CLDN16: variants seen among roughly 807,000 people sequenced by gnomAD.
The protein encoded by CLDN16 is claudin-16.
In CLDN16, 13 loss-of-function variants were observed where a neutral mutation model predicts 24.6. The observed-to-expected ratio is 0.53, with a 90% CI of 0.34 to 0.84. The LOEUF (loss-of-function observed/expected upper bound fraction) is 0.84, where lower values mean the gene tolerates loss of function less well. Among genes scored for constraint, CLDN16 ranks in the 40% least tolerant of loss-of-function variants. The pLI is 0.01. For missense variants in CLDN16, 298 were observed against 292.7 expected (o/e 1.02, Z -0.13); for synonymous variants, 116 against 106.7 (o/e 1.09, Z -0.54).
upstream of CLDN16, among the ~76,000 whole-genome samples, chr3:190,386,412 G>A (rs1718498512): frequency 6.6e-6 from 1 of 152,034 alleles, no homozygotes; most frequent in African/African-American, 2.4e-5. Flanking sequence ...ACCCTCAGTG[G>A]ATGTCAGAAA....
At chr3:190,340,903 C>T (rs187063609) in intron 1 of CLDN16, among the ~76,000 whole-genome samples, 60 of 152,284 alleles carry the variant, frequency 3.9e-4, no homozygotes, top group African/African-American at 1.3e-3. Flanking sequence ...CCATGCAAGT[C>T]GGAAATCCAG....
the CLDN16 span, among the ~76,000 whole-genome samples, chr3:190,305,546 T>C: frequency 1.3e-5 from 2 of 152,078 alleles, no homozygotes; most frequent in Admixed American, 6.6e-5. Flanking sequence ...TTGAGAGAAA[T>C]AGGGCATTCT....
intron 1 of CLDN16, among the ~76,000 whole-genome samples, chr3:190,328,119 A>C (rs1486628121): frequency 5.5e-5 from 1 of 18,330 alleles, no homozygotes; most frequent in African/African-American, 1.7e-3. Flanking sequence ...CCATCTCTAC[A>C]AAAAAAAAAA....
chr3:190,357,220 A>C (rs1004066678), intron 1 of CLDN16, among the ~76,000 whole-genome samples: 7 of 151,910 alleles, frequency 4.6e-5, no homozygotes, highest in Non-Finnish European at 1.0e-4. Context: ...AGTTCTGTAG[A>C]TGAGCTTCTA....
the CLDN16 span, among the ~76,000 whole-genome samples, chr3:190,295,855 T>C: frequency 7.9e-5 from 12 of 152,326 alleles, no homozygotes; most frequent in African/African-American, 2.9e-4. Flanking sequence ...GGCTTATAAC[T>C]CACTCTACGT....
At chr3:190,352,528 A>G (rs1362693813) in intron 1 of CLDN16, among the ~76,000 whole-genome samples, 3 of 152,160 alleles carry the variant, frequency 2.0e-5, no homozygotes, top group African/African-American at 7.2e-5. Context: ...GTGCTATTTG[A>G]ATTTTGTATC....
At chr3:190,333,998 G>T (rs1203622358) in intron 1 of CLDN16, among the ~76,000 whole-genome samples, 1 of 151,858 alleles carries the variant, frequency 6.6e-6, no homozygotes, top group East Asian at 1.9e-4. Context: ...CAAGGAGGAG[G>T]GGCTAGAGTT....
At chr3:190,402,038 G>A (rs1718975530) in intron 1 of CLDN16, among the ~76,000 whole-genome samples, 1 of 152,114 alleles carries the variant, frequency 6.6e-6, no homozygotes, top group Non-Finnish European at 1.5e-5. Flanking sequence ...AATGGTGGAA[G>A]CAGCCACAGA....
chr3:190,317,345 A>T, the CLDN16 span, among the ~76,000 whole-genome samples: 1 of 152,190 alleles, frequency 6.6e-6, no homozygotes, highest in African/African-American at 2.4e-5. Context: ...ATATTTAGCT[A>T]GACTGACAAT....
chr3:190,361,775 C>A (rs930307917), intron 1 of CLDN16, among the ~76,000 whole-genome samples: 3 of 151,728 alleles, frequency 2.0e-5, no homozygotes, highest in Non-Finnish European at 2.9e-5. Context: ...CATAGATAAA[C>A]AAGCTGGAAC....
At chr3:190,334,788 G>A (rs1309444185) in intron 1 of CLDN16, among the ~76,000 whole-genome samples, 1 of 152,138 alleles carries the variant, frequency 6.6e-6, no homozygotes, top group Admixed American at 6.5e-5. Flanking sequence ...CTTGGCTAGT[G>A]AGAGCCATGT....
intron 1 of CLDN16, among the ~76,000 whole-genome samples, chr3:190,391,136 GT>G (rs1577423064): frequency 1.4e-5 from 2 of 141,264 alleles, no homozygotes; most frequent in African/African-American, 2.6e-5. Flanking sequence ...GTTTTGTTTT[GT>G]TTTGATTTTT....
At chr3:190,305,534 A>T in the CLDN16 span, among the ~76,000 whole-genome samples, 1 of 152,282 alleles carries the variant, frequency 6.6e-6, no homozygotes, top group African/African-American at 2.4e-5. Context: ...GAGGAACTCA[A>T]TTTGAGAGAA....
the CLDN16 span, among the ~76,000 whole-genome samples, chr3:190,311,749 G>C: frequency 1.3e-5 from 2 of 150,892 alleles, no homozygotes; most frequent in African/African-American, 4.9e-5. Context: ...TAGATATAAA[G>C]ATATATATAT....
At chr3:190,393,866 T>C (rs1323540597) in intron 1 of CLDN16, among the ~76,000 whole-genome samples, 5 of 149,950 alleles carry the variant, frequency 3.3e-5, no homozygotes, top group Non-Finnish European at 5.9e-5. Context: ...TTCTCCTGCC[T>C]CAGCCTCCTG....
intron 1 of CLDN16, among the ~76,000 whole-genome samples, chr3:190,392,316 C>T (rs1718700299): frequency 6.6e-6 from 1 of 151,724 alleles, no homozygotes; most frequent in South Asian, 2.1e-4. Flanking sequence ...TTTCTTAACT[C>T]TCTCTCTTTC....
intron 1 of CLDN16, among the ~76,000 whole-genome samples, chr3:190,393,001 G>A (rs1718719363): frequency 6.6e-6 from 1 of 152,156 alleles, no homozygotes; most frequent in South Asian, 2.1e-4. Context: ...TTTTGTTATA[G>A]ACCAGAAGGG....
upstream of CLDN16, chr3:190,322,169 A>G (rs1183985000): frequency 6.2e-7 from 1 of 1,614,098 alleles, no homozygotes; most frequent in South Asian, 1.1e-5. Flanking sequence ...CAGGAAGGCG[A>G]GAATGAAGCC....
the CLDN16 span, among the ~76,000 whole-genome samples, chr3:190,308,998 A>C: frequency 6.6e-6 from 1 of 152,278 alleles, no homozygotes; most frequent in East Asian, 1.9e-4. Flanking sequence ...GCAGACACTT[A>C]GGGTGGGGTA....
Sources: gnomAD v4.1 joint callset for allele counts (sites outside exome capture counted in the v4.1 genomes callset) on GRCh38, gnomAD v4.1.1 for gene constraint, MANE v1.5 for transcripts, NCBI Gene and HGNC (gene_info 2026-07-23, HGNC 2026-07-21) for gene names.